Variants in HMCN2 observed in about 807,000 individuals in gnomAD.
HMCN2 encodes the protein hemicentin-2.
A neutral mutation model predicts 377.5 loss-of-function variants in HMCN2; 325 were observed. The ratio of observed to expected loss-of-function variants is 0.86; its 90% CI spans 0.79 to 0.94. The LOEUF is 0.94. Ranked by LOEUF, HMCN2 falls within the 40% of genes least tolerant of loss-of-function variation. HMCN2 has a pLI of 0.00. For missense variants in HMCN2, 4,543 were observed against 4,725.3 expected, an observed-to-expected ratio of 0.96 and a Z score of 1.13; for synonymous variants, 2,007 against 2,046.8, an observed-to-expected ratio of 0.98 and a Z score of 0.53.
At position 130,385,574 on chromosome 9, in the gene HMCN2, A is replaced by C. The variant is rs1841977785; in HGVS notation, c.9121A>C (p.Arg3041=). ...CCTGCCCCCAGTTCCCCCGGCCTTCAGGCAGGCTCCCAGAGGTCCCCAGGA... is the reference window on the plus strand; with the variant it reads ...CCTGCCCCCAGTTCCCCCGGCCTTCCGGCAGGCTCCCAGAGGTCCCCAGGA... The part of the protein sequence containing the change: ...QLSVLVPPAF[R]QAPRGPQDAV... Residue 3041 remains arginine (R), a synonymous_variant, in exon 60 of 98, where the codon AGG becomes CGG. Coordinates refer to ENST00000683500, the MANE Select transcript of HMCN2 (RefSeq NM_001291815.2). 3.8e-6 allele frequency: 5 copies of C among 1,301,650 alleles called. No individual in the cohort carries two copies. The highest frequency in any genetic ancestry group is 5.1e-6 in the Non-Finnish European group (5 of 986,600). The allele number at this position is 1,301,650 out of a possible 1,614,324, so 80.6% of individuals were successfully genotyped here. A position where few individuals can be genotyped will look rare whatever the true frequency, so the allele number is the denominator to read the frequency against.
chr9:130,295,153 T>C (rs1836049100), intron 5 of HMCN2, 127 bp downstream of exon 5: 1 of 283,482 alleles, frequency 3.5e-6, no homozygotes, highest in Non-Finnish European at 7.2e-6. Flanking sequence ...TAGGGAAATA[T>C]GGGGTGGGGG....
chr9:130,373,099 T>G lies in HMCN2; in HGVS notation c.7413T>G (p.Thr2471=), dbSNP rs1005868095. The change falls in exon 48 of 98, where the codon ACT becomes ACG. Residue 2471 remains threonine (T), a synonymous_variant. Transcript: ENST00000683500. The part of the protein sequence containing the change: ...EEVIKVLDGQ[T]AHLMCNVTGH... ...TGATCAAGGTCCTTGATGGACAGAC[T>G]GCCCATCTTATGTGCAACGTCACAG... is the stretch of plus-strand genomic sequence containing the variant. 1.0e-6 allele frequency: 1 copy of G among 981,162 alleles called. No individual in the cohort carries two copies. The highest frequency in any genetic ancestry group is 1.8e-5 in the African/African-American group (1 of 56,274). The allele number at this position is 981,162 out of a possible 1,614,324, so 60.8% of individuals were successfully genotyped here.
Position 130,394,995 on chromosome 9 carries a change from A to G in HMCN2, c.10693-32A>G. On this transcript the variant is annotated intron_variant, in intron 69 of 97. Transcript: ENST00000683500. This position sits in a 1 kb window ranked among gnomAD's most constrained non-coding sequence, Gnocchi z 5.1. The stretch of plus-strand genomic sequence containing the variant: ...ATTGGGAGGCGGGCAGAGAGGGGCC[A>G]GGGGCAGCTGCTCAACCCGCTCCAT... 8.0e-7 allele frequency: 1 copy of G among 1,248,304 alleles called. No individual in the cohort carries two copies. The allele number at this position is 1,248,304 out of a possible 1,614,324, so 77.3% of individuals were successfully genotyped here.
chr9:130,332,592 C>T (rs978315939), intron 22 of HMCN2, among the ~76,000 whole-genome samples: 7 of 152,348 alleles, frequency 4.6e-5, no homozygotes, highest in African/African-American at 7.2e-5. Flanking sequence ...CGGGCTCGTG[C>T]GATGGCGCTG....
intron 32 of HMCN2, 51 bp downstream of exon 32, chr9:130,355,095 C>G (rs1417190716): frequency 3.3e-6 from 4 of 1,218,772 alleles, no homozygotes; most frequent in Non-Finnish European, 4.2e-6. Flanking sequence ...GACGTCTGCC[C>G]AGGCCTGCTG....
At chr9:130,326,637 G>A (rs1471679630) in intron 21 of HMCN2, among the ~76,000 whole-genome samples, 4 of 152,104 alleles carry the variant, frequency 2.6e-5, no homozygotes, top group South Asian at 2.1e-4. Flanking sequence ...ACAAATGTAC[G>A]GGGAACACGG....
chr9:130,296,514 G>A (rs984783747), intron 6 of HMCN2, among the ~76,000 whole-genome samples, 160 bp from the exon 7 acceptor site: 2 of 152,158 alleles, frequency 1.3e-5, no homozygotes, highest in Non-Finnish European at 2.9e-5. Context: ...GGGGAGCATC[G>A]TGCTGGGCCC....
Position 130,418,830 on chromosome 9 carries a change from G to A in HMCN2, c.13020G>A (p.Val4340=). The change falls in exon 86 of 98, where the codon GTG becomes GTA. Residue 4340 remains valine, a synonymous_variant. Coordinates refer to ENST00000683500, the MANE Select transcript of HMCN2 (RefSeq NM_001291815.2). ...TGACAGTGAGATCTGGGGATGACGTGGCCCTGCGGTGCCAGGCCACTGGAG... is the reference window on the plus strand; with the variant it reads ...TGACAGTGAGATCTGGGGATGACGTAGCCCTGCGGTGCCAGGCCACTGGAG... ...QDMTVRSGDD[V]ALRCQATGEP... is the part of the protein sequence containing the mutation. 1 of 1,535,652 alleles carries A rather than the reference G, an allele frequency of 6.5e-7. No individual in the cohort carries two copies. The highest frequency in any genetic ancestry group is 8.8e-7 in the Non-Finnish European group (1 of 1,138,026).
Position 130,394,296 on chromosome 9 carries a change from A to G in HMCN2, c.10502-89A>G. The G allele has an allele frequency of 1.2e-6, 1 of 852,206 alleles. No individual in the cohort carries two copies. The highest frequency in any genetic ancestry group is 1.6e-5 in the South Asian group (1 of 61,522). 52.8% of individuals were successfully genotyped at this position (852,206 alleles called of 1,614,324 possible). A position where few individuals can be genotyped will look rare whatever the true frequency, so the allele number is the denominator to read the frequency against. ...AAGGGCCACCAAAATGTGGGAGCAG[A>G]GCCCCTGGACTCAGCACAGTGTTTT... On this transcript the variant is annotated intron_variant, in intron 68 of 97. Coordinates refer to ENST00000683500, the MANE Select transcript of HMCN2 (RefSeq NM_001291815.2). This position sits in a 1 kb window ranked among gnomAD's most constrained non-coding sequence, Gnocchi z 5.1.
chr9:130,289,500 C>A (rs1835621735), intron 4 of HMCN2, among the ~76,000 whole-genome samples: 1 of 152,134 alleles, frequency 6.6e-6, no homozygotes, highest in Non-Finnish European at 1.5e-5. Context: ...GACCTCGCAG[C>A]CCTGCCACTT....
intron 85 of HMCN2, among the ~76,000 whole-genome samples, chr9:130,415,093 G>A (rs755780150): frequency 5.3e-5 from 8 of 152,074 alleles, no homozygotes; most frequent in Admixed American, 1.3e-4. Context: ...CCCTGTTCCC[G>A]GGTGTCCATG....
intron 23 of HMCN2, among the ~76,000 whole-genome samples, chr9:130,340,778 A>G (rs1839003182): frequency 6.6e-6 from 1 of 152,128 alleles, no homozygotes; most frequent in African/African-American, 2.4e-5. Context: ...TCGGCCTCCC[A>G]CAGTTCTGAG....
rs1836950618 is a variant in HMCN2 at position 130,307,572 on chromosome 9, T to C, written c.2200+6T>C. 1 of 470,814 alleles carries C rather than the reference T, an allele frequency of 2.1e-6. No homozygotes were observed. The highest frequency in any genetic ancestry group is 2.0e-5 in the African/African-American group (1 of 49,978). 29.2% of individuals were successfully genotyped at this position (470,814 alleles called of 1,614,324 possible). On this transcript the variant is annotated splice_donor_region_variant and intron_variant, in intron 14 of 97. Transcript: ENST00000683500. ...CCGAGTCATCTGGTATCGAGGTGTG[T>C]TGGTGGGGAGGGGCCCTGAAGGAAC... is the stretch of plus-strand genomic sequence containing the variant.
intron 4 of HMCN2, among the ~76,000 whole-genome samples, chr9:130,293,001 C>CTATCTAT: frequency 1.6e-5 from 1 of 62,958 alleles, no homozygotes; most frequent in South Asian, 4.8e-4. Flanking sequence ...TATCTATCTA[C>CTATCTAT]CTACCTACCT....
chr9:130,422,665 G>A lies in HMCN2; in HGVS notation c.13320G>A (p.Gln4440=). The A allele has an allele frequency of 7.6e-7, 1 of 1,318,676 alleles. No individual in the cohort carries two copies. The highest frequency in any genetic ancestry group is 9.7e-7 in the Non-Finnish European group (1 of 1,026,344). The allele number at this position is 1,318,676 out of a possible 1,614,324, so 81.7% of individuals were successfully genotyped here. A position where few individuals can be genotyped will look rare whatever the true frequency, so the allele number is the denominator to read the frequency against. The part of the protein sequence containing the change: ...GVATLNTSVM[Q]EAHSGVSSIH... ...CCACACTCAACACCAGCGTGATGCA[G>A]GAGGCACACTCCGGGGTCAGCAGCA... The change falls in exon 87 of 98, where the codon CAG becomes CAA. Residue 4440 remains glutamine (Q), a synonymous_variant. Transcript: ENST00000683500. This position sits in a 1 kb window ranked among gnomAD's most constrained non-coding sequence, Gnocchi z 4.2.
intron 7 of HMCN2, among the ~76,000 whole-genome samples, chr9:130,298,278 C>T (rs1351759377): frequency 6.6e-6 from 1 of 151,882 alleles, no homozygotes; most frequent in Admixed American, 6.6e-5. Flanking sequence ...TAAAGAGAAA[C>T]ATTTGGGAGG....
intron 20 of HMCN2, 43 bp from the exon 21 acceptor site, chr9:130,325,768 G>A (rs997208253): frequency 1.3e-5 from 2 of 152,262 alleles, no homozygotes; most frequent in Non-Finnish European, 1.5e-5. Context: ...GTCATGGGGC[G>A]GAGGTGTGGG....
chr9:130,339,567 G>T (rs1459968817), intron 23 of HMCN2, among the ~76,000 whole-genome samples: 1 of 152,216 alleles, frequency 6.6e-6, no homozygotes, highest in African/African-American at 2.4e-5. Context: ...CTGACTGGCT[G>T]TGTGACCTTA....
chr9:130,416,100 ATTTTTTTT>A (rs34382467), intron 85 of HMCN2, among the ~76,000 whole-genome samples: 2 of 130,736 alleles, frequency 1.5e-5, no homozygotes, highest in Non-Finnish European at 3.2e-5. Flanking sequence ...TAGAGGCTTT[ATTTTTTTT>A]TTTTTTTTTT....
Sources: allele counts gnomAD v4.1 joint callset (sites outside exome capture counted in the v4.1 genomes callset), GRCh38; gene constraint gnomAD v4.1.1; non-coding constraint Gnocchi (gnomAD v3.1); transcripts MANE v1.5; gene names NCBI Gene and HGNC (gene_info 2026-07-23, HGNC 2026-07-21).